The following MUSK variants were observed in gnomAD, a reference collection of about 807,000 sequenced individuals.
The protein encoded by MUSK is muscle associated receptor tyrosine kinase, also known as muscle, skeletal receptor tyrosine-protein kinase.
MUSK carries 55 observed loss-of-function variants against 88.7 expected under a neutral mutation model. The observed-to-expected ratio is 0.62, with a 90% CI of 0.50 to 0.78. The LOEUF is 0.78. Among genes scored for constraint, MUSK ranks in the 30% least tolerant of loss-of-function variants. The pLI, the probability that MUSK is intolerant of heterozygous loss-of-function variation, is 0.00. For synonymous variants in MUSK, 387 were observed against 391.9 expected (o/e 0.99, Z 0.15); for missense variants, 1,015 against 1,074.3 (o/e 0.94, Z 0.77).
chr9:110,687,632 C>T (rs376536040), intron 3 of MUSK, among the ~76,000 whole-genome samples: 7 of 151,994 alleles, frequency 4.6e-5, no homozygotes, highest in African/African-American at 1.2e-4. Context: ...ACTGTGCCCC[C>T]GCTGACTTGG....
chr9:110,736,617 G>A lies in MUSK; in HGVS notation c.753+2242G>A, dbSNP rs574778658. 2.6e-5 allele frequency among the ~76,000 whole-genome samples: 4 copies of A among 152,038 alleles called. No individual in the cohort carries two copies. In the South Asian group the frequency reaches 8.3e-4, roughly 32 times the overall value. On this transcript the variant is annotated intron_variant, in intron 6 of 14. Coordinates refer to ENST00000374448, the MANE Select transcript of MUSK (RefSeq NM_005592.4). ...TTTGCTTTTATTTGAGTGAGATGAG[G>A]TGCCACTGTAGGTCTGTTTCTGTTG...
rs573528554 is a variant in MUSK, at chr9:110,797,557, C to G, written c.1928-2749C>G. On this transcript the variant is annotated intron_variant, in intron 14 of 14. Transcript: ENST00000374448. Reference sequence around the variant, plus strand: ...AAGGAATCTAGATAAATATTAAAAGCAAGAATTTCTATAGTAGTATCTCGA... The same window carrying G: ...AAGGAATCTAGATAAATATTAAAAGGAAGAATTTCTATAGTAGTATCTCGA... Among the ~76,000 whole-genome samples, 11 of 152,188 alleles carry G rather than the reference C, an allele frequency of 7.2e-5. 1 individual carries two copies. In the South Asian group the frequency reaches 1.9e-3, roughly 26 times the overall value.
At chr9:110,738,815 T>C (rs903332239) in intron 6 of MUSK, among the ~76,000 whole-genome samples, 3 of 152,144 alleles carry the variant, frequency 2.0e-5, no homozygotes, top group Non-Finnish European at 4.4e-5. Context: ...CATAGACCTA[T>C]TCATGATTCT....
chr9:110,785,812 T>TTA (rs1391668173), intron 13 of MUSK, 94 bp downstream of exon 13: 36 of 724,622 alleles, frequency 5.0e-5, no homozygotes, highest in Middle Eastern at 4.2e-4. Flanking sequence ...AATATTAGCT[T>TTA]TATATATATA....
chr9:110,763,255 TTGAC>T (rs58255269), intron 8 of MUSK, among the ~76,000 whole-genome samples: 1,657 of 152,336 alleles, frequency 0.011, 24 homozygotes, highest in African/African-American at 0.038. Context: ...TTTGTCATAA[TTGAC>T]TGCATTCCAG....
chr9:110,782,226 T>C (rs1402104398), intron 11 of MUSK, among the ~76,000 whole-genome samples: 5 of 151,858 alleles, frequency 3.3e-5, no homozygotes, highest in African/African-American at 9.7e-5. Flanking sequence ...AGACAGAAAA[T>C]TGGTGAGAGA....
In MUSK at chr9:110,784,913, A is replaced by T. The variant is rs746031604; in HGVS notation, c.1483A>T (p.Thr495Ser). Residue 495 changes from threonine (T) to serine (S), a missense_variant, in exon 12 of 15, where the codon ACT becomes TCT. Physicochemically the swap from Thr to Ser is moderately conservative, Grantham distance 58 (BLOSUM62 1). Transcript: ENST00000374448. Reference protein sequence around the residue: ...SFSVSPTYSMTVIISIMSSFA... With the variant: ...SFSVSPTYSMSVIISIMSSFA... ...CTCTGTCTCACCTACATACTCCATG[A>T]CTGTAATAATCTCCATCATGTCCAG... The T allele has an allele frequency of 6.2e-7, 1 of 1,613,830 alleles. No homozygotes were observed. Among genetic ancestry groups the T allele is most frequent in the Admixed American group, 1.7e-5 (1 of 60,008 alleles).
intron 11 of MUSK, 61 bp from the exon 12 acceptor site, chr9:110,784,754 A>G (rs2132022278): frequency 3.0e-6 from 4 of 1,328,506 alleles, no homozygotes; most frequent in Non-Finnish European, 4.2e-6. Flanking sequence ...GATTGCTTAA[A>G]TACAAAAAAT....
chr9:110,758,035 C>T lies in MUSK; in HGVS notation c.914-4167C>T, dbSNP rs562163328. 8.6e-5 allele frequency among the ~76,000 whole-genome samples: 13 copies of T among 151,410 alleles called. No homozygotes were observed. In the East Asian group the frequency reaches 9.8e-4, roughly 11 times the overall value. ...GTTGGAATGCAGTGGTGTGTGATCT[C>T]GGCTCATTGCAGCCTCTGCCTGAGC... On this transcript the variant is annotated intron_variant, in intron 7 of 14. Transcript: ENST00000374448.
rs551341340 is a variant in MUSK at position 110,674,909 on chromosome 9, C to A, written c.79+5926C>A. The stretch of plus-strand genomic sequence containing the variant: ...TACAGACATGAGCCACCAACCACAC[C>A]CAGCCTGAGATAAAATATTAACGGT... On this transcript the variant is annotated intron_variant, in intron 1 of 14. Coordinates refer to ENST00000374448, the MANE Select transcript of MUSK (RefSeq NM_005592.4). Among the ~76,000 whole-genome samples, 20 of 152,180 alleles carry A rather than the reference C, an allele frequency of 1.3e-4. No individual in the cohort carries two copies. In the Middle Eastern group the frequency reaches 0.01, roughly 78 times the overall value.
Position 110,682,414 on chromosome 9 carries a change from A to G in MUSK, c.80-260A>G, listed in dbSNP as rs4132614. Among the ~76,000 whole-genome samples the G allele has an allele frequency of 0.64, 97,271 of 151,698 alleles. 31,780 individuals are homozygous for G. The highest frequency in any genetic ancestry group is 0.68 in the African/African-American group (27,960 of 41,388). ...TACAAATTGCACAAACTTGGGCCCC[A>G]TAAAACTTGGATCTGCCTCTCCTCG... On this transcript the variant is annotated intron_variant, in intron 1 of 14. Coordinates refer to ENST00000374448, the MANE Select transcript of MUSK (RefSeq NM_005592.4).
At chr9:110,771,040 T>C (rs2077565260) in intron 9 of MUSK, among the ~76,000 whole-genome samples, 1 of 152,048 alleles carries the variant, frequency 6.6e-6, no homozygotes, top group Non-Finnish European at 1.5e-5. Flanking sequence ...TACAAGAAAC[T>C]GTGCCCCTTT....
chr9:110,767,882 T>C lies in MUSK; in HGVS notation c.983T>C (p.Val328Ala). ...AQYRGEVCNA[V>A]LAKDALVFLN... ...TACAGAGGGGAGGTGTGTAATGCAG[T>C]CCTGGCAAAAGATGCTCTTGTTTTT... The change falls in exon 9 of 15, where the codon GTC becomes GCC. Residue 328 changes from valine (V) to alanine (A), a missense_variant. Val to Ala is a moderately conservative substitution (Grantham distance 64). Transcript: ENST00000374448. 1 of 1,613,998 alleles carries C rather than the reference T, an allele frequency of 6.2e-7. No homozygotes were observed. The highest frequency in any genetic ancestry group is 8.5e-7 in the Non-Finnish European group (1 of 1,179,870).
At chr9:110,719,168 A>T (rs938193255) in intron 5 of MUSK, among the ~76,000 whole-genome samples, 2 of 151,722 alleles carry the variant, frequency 1.3e-5, no homozygotes, top group Admixed American at 6.6e-5. Flanking sequence ...CAATGAAAAC[A>T]ACAACAACAA....
chr9:110,755,954 A>ATATATATATATATATATACG lies in MUSK; in HGVS notation c.914-6238_914-6237insTATATATACGTATATATATA, dbSNP rs1564268738. ...TATACATATATATATATATATACAC[A>ATATATATATATATATATACG]TATATATATACATATATATATATAC... On this transcript the variant is annotated intron_variant, in intron 7 of 14. Transcript: ENST00000374448. Among the ~76,000 whole-genome samples, 62 of 110,518 alleles carry ATATATATATATATATATACG rather than the reference A, an allele frequency of 5.6e-4. 2 individuals carry two copies. In the East Asian group the frequency reaches 6.9e-3, roughly 12 times the overall value. 72.5% of individuals were successfully genotyped at this position (110,518 alleles called of 152,430 possible).
chr9:110,731,010 G>A (rs1388743558), intron 5 of MUSK, among the ~76,000 whole-genome samples: 1 of 152,020 alleles, frequency 6.6e-6, no homozygotes, highest in East Asian at 1.9e-4. Flanking sequence ...CTGGGAGACT[G>A]ATAGCTCAGA....
In MUSK at chr9:110,804,311, A is replaced by C. The variant is rs2078132954; in HGVS notation, c.*3323A>C. On this transcript the variant is annotated 3_prime_UTR_variant, in exon 15 of 15. Transcript: ENST00000374448. The stretch of plus-strand genomic sequence containing the variant: ...AATGTCTGGACCAAATGGCATGTAC[A>C]ATATTAACACTTCTGTTATGTGGTT... Among the ~76,000 whole-genome samples the C allele has an allele frequency of 6.6e-6, 1 of 152,138 alleles. No individual in the cohort carries two copies. Among genetic ancestry groups the C allele is most frequent in the Non-Finnish European group, 1.5e-5 (1 of 67,992 alleles).
chr9:110,723,391 G>C (rs997228839), intron 5 of MUSK, among the ~76,000 whole-genome samples: 1 of 151,988 alleles, frequency 6.6e-6, no homozygotes, highest in Non-Finnish European at 1.5e-5. Context: ...AACATTGTAT[G>C]TTTTCATGCA....
chr9:110,755,984 A>ATG (rs1564269177), intron 7 of MUSK, among the ~76,000 whole-genome samples: 9 of 126,046 alleles, frequency 7.1e-5, no homozygotes, highest in South Asian at 2.4e-4. Flanking sequence ...ATATACATAT[A>ATG]TATATATATA....
Sources: allele counts gnomAD v4.1 joint callset (sites outside exome capture counted in the v4.1 genomes callset), GRCh38; gene constraint gnomAD v4.1.1; transcripts MANE v1.5; gene names NCBI Gene and HGNC (gene_info 2026-07-23, HGNC 2026-07-21).